Variants in NPEPPS observed in about 807,000 individuals in gnomAD.
NPEPPS encodes the protein puromycin-sensitive aminopeptidase.
In NPEPPS, 14 loss-of-function variants were observed where a neutral mutation model predicts 115.5. The ratio of observed to expected loss-of-function variants is 0.12; its 90% CI spans 0.08 to 0.19. The LOEUF (loss-of-function observed/expected upper bound fraction) is 0.19. Among genes scored for constraint, NPEPPS ranks in the 10% least tolerant of loss-of-function variants. NPEPPS has a pLI of 1.00. For missense variants in NPEPPS, 523 were observed against 1,110.8 expected, an observed-to-expected ratio of 0.47 and a Z score of 7.52; for synonymous variants, 285 against 390.6, an observed-to-expected ratio of 0.73 and a Z score of 3.19.
chr17:47,543,412 G>T (rs1339654284), intron 1 of NPEPPS, among the ~76,000 whole-genome samples: 1 of 151,456 alleles, frequency 6.6e-6, no homozygotes, highest in African/African-American at 2.4e-5. Context: ...CCACTGCCTG[G>T]GTTCAAGTGA....
chr17:47,593,574 T>C (rs1367017518), intron 12 of NPEPPS, among the ~76,000 whole-genome samples: 1 of 151,676 alleles, frequency 6.6e-6, no homozygotes, highest in Non-Finnish European at 1.5e-5. Flanking sequence ...AAATAAAAAA[T>C]AAAGGGAATA....
intron 2 of NPEPPS, among the ~76,000 whole-genome samples, chr17:47,550,083 C>T (rs1200259015): frequency 2.7e-5 from 4 of 150,858 alleles, no homozygotes; most frequent in Admixed American, 6.6e-5. Flanking sequence ...TATAGGCGCA[C>T]GCTGCCACGC....
chr17:47,550,683 G>A (rs1254776135), intron 2 of NPEPPS, among the ~76,000 whole-genome samples: 2 of 147,142 alleles, frequency 1.4e-5, no homozygotes, highest in East Asian at 4.0e-4. Flanking sequence ...GCTGCAGTGC[G>A]ATGGCATGAT....
intron 14 of NPEPPS, among the ~76,000 whole-genome samples, chr17:47,600,250 A>G (rs371699194): frequency 2.6e-5 from 4 of 152,176 alleles, no homozygotes; most frequent in African/African-American, 7.2e-5. Flanking sequence ...CCTGGGCAAC[A>G]TGGCAAAACC....
chr17:47,555,905 T>A (rs912877776), intron 2 of NPEPPS, among the ~76,000 whole-genome samples: 1 of 151,774 alleles, frequency 6.6e-6, no homozygotes, highest in African/African-American at 2.4e-5. Context: ...TCTGCTATAG[T>A]TTCAAGTTAA....
At position 47,589,508 on chromosome 17, in the gene NPEPPS, TC is replaced by T. The variant is rs755169824; in HGVS notation, c.1096-1207del. Among the ~76,000 whole-genome samples, 12 of 152,180 alleles carry T rather than the reference TC, an allele frequency of 7.9e-5. No homozygotes were observed. In the South Asian group the frequency reaches 8.3e-4, roughly 11 times the overall value. On this transcript the variant is annotated intron_variant, in intron 9 of 22. Coordinates refer to ENST00000322157, the MANE Select transcript of NPEPPS (RefSeq NM_006310.4). ...TCAAACTCCTGGGCTCAAGTGATCT[TC>T]CTGCCTTGACCTCCCAGAGTATTGG...
chr17:47,608,675 G>A (rs1454401929), intron 17 of NPEPPS, among the ~76,000 whole-genome samples: 2 of 152,172 alleles, frequency 1.3e-5, no homozygotes, highest in Non-Finnish European at 2.9e-5. Context: ...AGTGGTCTGA[G>A]TTCAGGATTT....
At chr17:47,618,971 T>C (rs1185333501) in intron 20 of NPEPPS, 38 bp from the exon 21 acceptor site, 3 of 1,596,584 alleles carry the variant, frequency 1.9e-6, no homozygotes, top group East Asian at 4.5e-5. Context: ...GAATATGTTT[T>C]TGATACACTA....
At chr17:47,621,207 G>T in intron 22 of NPEPPS, among the ~76,000 whole-genome samples, 1 of 151,320 alleles carries the variant, frequency 6.6e-6, no homozygotes. Context: ...AAAAGACCAT[G>T]GGGTGTTAAA....
At chr17:47,534,079 T>G (rs1052224826) in intron 1 of NPEPPS, among the ~76,000 whole-genome samples, 5 of 152,162 alleles carry the variant, frequency 3.3e-5, no homozygotes, top group African/African-American at 1.2e-4. Context: ...GTGGGCATTT[T>G]AAAATATTGA....
At chr17:47,549,422 C>T (rs1909471060) in intron 2 of NPEPPS, among the ~76,000 whole-genome samples, 1 of 152,050 alleles carries the variant, frequency 6.6e-6, no homozygotes, top group East Asian at 1.9e-4. Context: ...AACCTGAAGT[C>T]ATGTGTAAGC....
intron 1 of NPEPPS, among the ~76,000 whole-genome samples, chr17:47,543,483 A>ATTTTT (rs1244034572): frequency 8.5e-6 from 1 of 118,108 alleles, no homozygotes; most frequent in Middle Eastern, 4.2e-3. Context: ...GGCCTGGCTA[A>ATTTTT]TTTTTTTTTT....
intron 2 of NPEPPS, among the ~76,000 whole-genome samples, chr17:47,555,882 C>A (rs1171821552): frequency 6.7e-6 from 1 of 150,234 alleles, no homozygotes; most frequent in Non-Finnish European, 1.5e-5. Flanking sequence ...GGATCTGCCA[C>A]AGTTAGGGAA....
intron 9 of NPEPPS, among the ~76,000 whole-genome samples, chr17:47,588,382 C>T (rs1597865948): frequency 4.0e-5 from 6 of 151,754 alleles, no homozygotes; most frequent in African/African-American, 7.3e-5. Flanking sequence ...ACCAATGTTG[C>T]GAAACCCCAT....
chr17:47,615,015 A>G (rs924840020), intron 19 of NPEPPS, among the ~76,000 whole-genome samples: 2 of 152,130 alleles, frequency 1.3e-5, no homozygotes, highest in African/African-American at 4.8e-5. Context: ...AAAAACTTTA[A>G]GAAACTGTAC....
Position 47,621,995 on chromosome 17 carries a change from A to G in NPEPPS, c.*75A>G. 7.0e-7 allele frequency: 1 copy of G among 1,435,242 alleles called. No homozygotes were observed. Among genetic ancestry groups the G allele is most frequent in the Non-Finnish European group, 9.2e-7 (1 of 1,081,908 alleles). 88.9% of individuals were successfully genotyped at this position (1,435,242 alleles called of 1,614,324 possible). ...GGTGGAGCTACCGAACAGCTGATTCATATGCCAAGAATTTGGAGTCTTCTT... is the reference window on the plus strand; with the variant it reads ...GGTGGAGCTACCGAACAGCTGATTCGTATGCCAAGAATTTGGAGTCTTCTT... On this transcript the variant is annotated 3_prime_UTR_variant, in exon 23 of 23. Transcript: ENST00000322157.
intron 9 of NPEPPS, among the ~76,000 whole-genome samples, chr17:47,590,465 AAAAAAG>A (rs1026464192): frequency 5.1e-4 from 78 of 152,000 alleles, no homozygotes; most frequent in African/African-American, 1.6e-3. Flanking sequence ...TCAAAAAAAA[AAAAAAG>A]AAAAGAAAGG....
At chr17:47,585,782 A>G (rs1912142479) in intron 6 of NPEPPS, 82 bp downstream of exon 6, 3 of 989,166 alleles carry the variant, frequency 3.0e-6, no homozygotes, top group East Asian at 4.8e-5. Context: ...TTATTAGTAC[A>G]GTTATTTATA....
At chr17:47,555,421 C>T (rs1009742607) in intron 2 of NPEPPS, among the ~76,000 whole-genome samples, 2 of 149,468 alleles carry the variant, frequency 1.3e-5, no homozygotes, top group African/African-American at 4.9e-5. Flanking sequence ...GATTTTGGCT[C>T]GCCGTAACCT....
Sources: allele counts gnomAD v4.1 joint callset (sites outside exome capture counted in the v4.1 genomes callset), GRCh38; gene constraint gnomAD v4.1.1; transcripts MANE v1.5; gene names NCBI Gene and HGNC (gene_info 2026-07-23, HGNC 2026-07-21).